The following ARL10 variants were observed in gnomAD, a reference collection of about 807,000 sequenced individuals.
The protein encoded by ARL10 is ADP-ribosylation factor-like protein 10.
Under a neutral mutation model 26.1 loss-of-function variants are expected in ARL10, and 23 were observed. The observed-to-expected ratio is 0.88, with a 90% confidence interval of 0.63 to 1.25. The LOEUF is 1.25. ARL10 is among the 50% of genes most tolerant of loss of function. The probability of loss-of-function intolerance (pLI) is 0.00; values close to 1 mark genes in which losing one functional copy is unlikely to be tolerated. For synonymous variants in ARL10, 138 were observed against 149.1 expected (o/e 0.93, Z 0.54); for missense variants, 300 against 323.6 (o/e 0.93, Z 0.56).
intron 1 of ARL10, chr5:176,386,956 A>C: frequency 1.3e-6 from 2 of 1,522,734 alleles, no homozygotes; most frequent in Non-Finnish European, 1.8e-6. Context: ...TTGATGAGGG[A>C]AAGTTATAGA....
At chr5:176,393,334 G>C (rs77343734), downstream of ARL10, among the ~76,000 whole-genome samples, 1 of 152,146 alleles carries the variant, frequency 6.6e-6, no homozygotes. This position sits in a 1 kb window ranked among gnomAD's most constrained non-coding sequence, Gnocchi z 4.4. Flanking sequence ...GTCCTAGGAC[G>C]ACCTAATGCA....
downstream of ARL10, chr5:176,385,192 A>G: frequency 7.3e-7 from 1 of 1,374,778 alleles, no homozygotes; most frequent in Non-Finnish European, 1.0e-6. Flanking sequence ...GCGCCTTCCC[A>G]GCCAGCCCAC....
chr5:176,398,123 C>G, intron 1 of ARL10: 1 of 1,348,104 alleles, frequency 7.4e-7, no homozygotes, highest in Non-Finnish European at 1.1e-6. Flanking sequence ...GCTGGGGACC[C>G]ACTCATGTCT....
At chr5:176,392,464 G>A, downstream of ARL10, 1 of 282,400 alleles carries the variant, frequency 3.5e-6, no homozygotes. This position sits in a 1 kb window ranked among gnomAD's most constrained non-coding sequence, Gnocchi z 5.2. Flanking sequence ...GTGGCTTCCA[G>A]AGAAGTGAGA....
At chr5:176,387,993 G>A (rs1171108895) in intron 1 of ARL10, among the ~76,000 whole-genome samples, 1 of 152,224 alleles carries the variant, frequency 6.6e-6, no homozygotes, top group Non-Finnish European at 1.5e-5. Context: ...ATGCTAATGG[G>A]TTAATTTCAG....
rs1306513962 is a variant in ARL10, at chr5:176,366,543, G to A, written c.347G>A (p.Arg116His). 2.5e-6 allele frequency: 4 copies of A among 1,614,128 alleles called. No homozygotes were observed. Among genetic ancestry groups the A allele is most frequent in the South Asian group, 1.1e-5 (1 of 91,090 alleles). ...CCCACCTGGGGCTTCAACTCCGTGCGTCTGCCCACCAAGGACTTTGAGGTG... is the reference window on the plus strand; with the variant it reads ...CCCACCTGGGGCTTCAACTCCGTGCATCTGCCCACCAAGGACTTTGAGGTG... ...HIPTWGFNSV[R>H]LPTKDFEVDL... Residue 116 changes from arginine to histidine, a missense_variant, in exon 2 of 4, where the codon CGT (arginine) becomes CAT (histidine). By Grantham distance (29) the Arg-to-His change is conservative. Coordinates refer to ENST00000310389, the MANE Select transcript of ARL10 (RefSeq NM_173664.6).
chr5:176,410,171 A>G, the ARL10 span: 2 of 1,156,072 alleles, frequency 1.7e-6, no homozygotes, highest in Non-Finnish European at 2.6e-6. Flanking sequence ...GAGAACCTGG[A>G]GCTGTAAGCC....
At chr5:176,401,908 C>T, downstream of ARL10, 1 of 379,280 alleles carries the variant, frequency 2.6e-6, no homozygotes, top group South Asian at 1.9e-5. Flanking sequence ...CGCCCCTGGC[C>T]TGGACCACTG....
At chr5:176,384,744 T>G (rs571017480), downstream of ARL10, 30 of 354,634 alleles carry the variant, frequency 8.5e-5, no homozygotes, top group Admixed American at 1.2e-3. Context: ...AACTCCACCC[T>G]GGGTGACAGA....
At chr5:176,384,080 G>C (rs765125024), downstream of ARL10, 14 of 1,593,212 alleles carry the variant, frequency 8.8e-6, no homozygotes, top group African/African-American at 1.9e-4. Flanking sequence ...CCCCAGAGCG[G>C]GGAGTGTGCA....
rs1581393106 is a variant in ARL10 at position 176,368,858 on chromosome 5, TG to T, written c.439del (p.Asp147MetfsTer43). On this transcript the variant is annotated frameshift_variant, in exon 3 of 4. Transcript: ENST00000310389. LOFTEE classifies it high-confidence loss of function. The surrounding 1 kb of genome is among the most constrained non-coding windows in gnomAD (Gnocchi z 4.1). ...RFYWKEFVSE[V>X]DVLVFVVDSA... ...TACTGGAAGGAGTTTGTGAGCGAGG[TG>T]GATGTGCTGGTGTTTGTGGTGGACT... 6.2e-7 allele frequency: 1 copy of T among 1,613,800 alleles called. No individual in the cohort carries two copies. Among genetic ancestry groups the T allele is most frequent in the Non-Finnish European group, 8.5e-7 (1 of 1,179,980 alleles).
chr5:176,389,480 A>G (rs1382892258), downstream of ARL10: 8 of 1,613,604 alleles, frequency 5.0e-6, no homozygotes, highest in African/African-American at 1.3e-5. Flanking sequence ...TGTCACTGCT[A>G]TGAAGTCTCG....
In ARL10 at chr5:176,371,782, G is replaced by A. The variant is rs142128453; in HGVS notation, c.622G>A (p.Asp208Asn). 3.8e-5 allele frequency: 62 copies of A among 1,614,112 alleles called. No homozygotes were observed. The highest frequency in any genetic ancestry group is 3.3e-4 in the Middle Eastern group (2 of 6,084). ...LQRELGLQAI[D>N]NQREVFLLAA... ...GCGGGAGCTGGGTCTACAGGCTATC[G>A]ATAACCAGCGGGAGGTTTTCCTCTT... The change falls in exon 4 of 4, where the codon GAT (aspartate) becomes AAT (asparagine). Residue 208 changes from aspartate (D) to asparagine (N), a missense_variant. Asp to Asn is a conservative substitution (Grantham distance 23). Transcript: ENST00000310389.
At chr5:176,371,679 G>A in intron 3 of ARL10, 43 bp from the exon 4 acceptor site, 1 of 1,576,790 alleles carries the variant, frequency 6.3e-7, no homozygotes, top group Non-Finnish European at 8.7e-7. Context: ...CAGTGTGTTA[G>A]GAAATGCTGC....
downstream of ARL10, chr5:176,388,901 G>C (rs1292550382): frequency 2.5e-6 from 4 of 1,614,186 alleles, no homozygotes; most frequent in Admixed American, 3.3e-5. Flanking sequence ...GAGCCCCACT[G>C]TTTACAGGAA....
chr5:176,382,432 C>T (rs1419590800), downstream of ARL10, among the ~76,000 whole-genome samples: 1 of 152,124 alleles, frequency 6.6e-6, no homozygotes, highest in Admixed American at 6.6e-5. Flanking sequence ...GGCTGTGGAC[C>T]TGAGGGAGTG....
chr5:176,410,155 G>C, the ARL10 span: 2 of 1,034,902 alleles, frequency 1.9e-6, no homozygotes, highest in Non-Finnish European at 2.9e-6. Flanking sequence ...CAGACATAAT[G>C]AACAGGAGAA....
At chr5:176,386,374 G>A (rs1755844289), downstream of ARL10, 2 of 226,098 alleles carry the variant, frequency 8.8e-6, no homozygotes, top group Non-Finnish European at 1.8e-5. Context: ...GACAGGTAAG[G>A]GGAAGGATGA....
Position 176,365,571 on chromosome 5 carries a change from C to T in ARL10, c.8C>T (p.Pro3Leu). The T allele has an allele frequency of 2.4e-6, 3 of 1,234,368 alleles. No homozygotes were observed. The highest frequency in any genetic ancestry group is 3.0e-6 in the Non-Finnish European group (3 of 988,896). 76.5% of individuals were successfully genotyped at this position (1,234,368 alleles called of 1,614,324 possible). A position where few individuals can be genotyped will look rare whatever the true frequency, so the allele number is the denominator to read the frequency against. ...CGTCCCTCGCCCGGCCCGATGGCGC[C>T]GCGGCCGCTGGGCCCCTTGGTGCTG... Reference protein sequence around the residue: MAPRPLGPLVLAL... With the variant: MALRPLGPLVLAL... The change falls in exon 1 of 4, where the codon CCG (proline) becomes CTG (leucine). Residue 3 changes from proline to leucine, a missense_variant. Transcript: ENST00000310389.
Sources: allele counts gnomAD v4.1 joint callset (sites outside exome capture counted in the v4.1 genomes callset), GRCh38; gene constraint gnomAD v4.1.1; non-coding constraint Gnocchi (gnomAD v3.1); transcripts MANE v1.5; gene names NCBI Gene and HGNC (gene_info 2026-07-23, HGNC 2026-07-21).